CTNNA3: variants seen among roughly 807,000 people sequenced by gnomAD.
CTNNA3 encodes the protein catenin alpha 3.
Under a neutral mutation model 95.7 loss-of-function variants are expected in CTNNA3, and 76 were observed. The ratio of observed to expected loss-of-function variants is 0.79; its 90% CI spans 0.66 to 0.96. The LOEUF is 0.96. CTNNA3 is among the 40% of genes least tolerant of loss of function. The pLI is 0.00. For missense variants in CTNNA3, 1,191 were observed against 1,089.8 expected, an observed-to-expected ratio of 1.09 and a Z score of -1.31; for synonymous variants, 431 against 374.4, an observed-to-expected ratio of 1.15 and a Z score of -1.74.
At chr10:67,754,784 G>A (rs915621728) in intron 1 of CTNNA3, among the ~76,000 whole-genome samples, 5 of 152,142 alleles carry the variant, frequency 3.3e-5, no homozygotes, top group African/African-American at 4.8e-5. Flanking sequence ...TGCAAACTAC[G>A]TATCTGACAA....
intron 12 of CTNNA3, among the ~76,000 whole-genome samples, chr10:66,335,967 G>A (rs2132337549): frequency 6.6e-6 from 1 of 152,230 alleles, no homozygotes; most frequent in African/African-American, 2.4e-5. Context: ...CTGCCTTGCA[G>A]TTTGATCTCA....
intron 5 of CTNNA3, among the ~76,000 whole-genome samples, chr10:67,487,056 G>A (rs1354455284): frequency 6.6e-6 from 1 of 152,116 alleles, no homozygotes; most frequent in Non-Finnish European, 1.5e-5. Flanking sequence ...CCCCATCAGT[G>A]TCCCAGGCAA....
chr10:65,920,954 T>C (rs1054125518), intron 17 of CTNNA3, among the ~76,000 whole-genome samples: 19 of 152,366 alleles, frequency 1.2e-4, no homozygotes, highest in African/African-American at 4.6e-4. Context: ...TGTATCTAGA[T>C]GGATAAGTGA....
At chr10:66,345,650 C>G (rs1422886562) in intron 12 of CTNNA3, among the ~76,000 whole-genome samples, 2 of 152,068 alleles carry the variant, frequency 1.3e-5, no homozygotes, top group African/African-American at 4.8e-5. Context: ...TGTTATTTCA[C>G]TTGGGTAAGT....
chr10:66,938,453 A>T (rs1737084829), intron 7 of CTNNA3, among the ~76,000 whole-genome samples: 1 of 152,200 alleles, frequency 6.6e-6, no homozygotes, highest in African/African-American at 2.4e-5. Context: ...TGAAAATATT[A>T]TTAAGAAAAT....
intron 5 of CTNNA3, among the ~76,000 whole-genome samples, chr10:67,404,286 A>C (rs2132816760): frequency 6.6e-6 from 1 of 152,224 alleles, no homozygotes; most frequent in East Asian, 1.9e-4. Context: ...TTTGCAACTC[A>C]ATGCAAGGAA....
intron 5 of CTNNA3, among the ~76,000 whole-genome samples, chr10:67,244,294 G>C (rs1484893009): frequency 6.6e-6 from 1 of 152,124 alleles, no homozygotes; most frequent in African/African-American, 2.4e-5. Flanking sequence ...TTGACTCTCA[G>C]GATGTTCTAA....
intron 5 of CTNNA3, among the ~76,000 whole-genome samples, chr10:67,461,390 C>A (rs565568521): frequency 6.6e-6 from 1 of 152,148 alleles, no homozygotes; most frequent in Non-Finnish European, 1.5e-5. Flanking sequence ...AGCAATGTGC[C>A]CCAAAATCCC....
At chr10:66,886,559 A>G (rs1845052831) in intron 7 of CTNNA3, among the ~76,000 whole-genome samples, 1 of 152,134 alleles carries the variant, frequency 6.6e-6, no homozygotes, top group Non-Finnish European at 1.5e-5. Flanking sequence ...ATCTGCTCAT[A>G]GATTTTCCAT....
intron 12 of CTNNA3, among the ~76,000 whole-genome samples, chr10:66,303,794 C>T (rs1367148420): frequency 6.6e-6 from 1 of 152,024 alleles, no homozygotes; most frequent in Non-Finnish European, 1.5e-5. Flanking sequence ...AGGGTTTCAC[C>T]GTGTTAGCCA....
intron 17 of CTNNA3, among the ~76,000 whole-genome samples, chr10:65,936,780 C>T (rs1011307421): frequency 6.6e-6 from 1 of 151,926 alleles, no homozygotes; most frequent in African/African-American, 2.4e-5. Flanking sequence ...TTTTCTGGGC[C>T]TCAGTTTTCC....
chr10:66,646,258 C>T (rs1845704123), intron 9 of CTNNA3, among the ~76,000 whole-genome samples: 1 of 152,014 alleles, frequency 6.6e-6, no homozygotes, highest in Non-Finnish European at 1.5e-5. Context: ...AATAGAATAT[C>T]CACTTGAACC....
chr10:67,671,099 A>G (rs1840423476), intron 1 of CTNNA3, among the ~76,000 whole-genome samples: 1 of 152,088 alleles, frequency 6.6e-6, no homozygotes, highest in African/African-American at 2.4e-5. Context: ...TCTGCTATGG[A>G]GGCAGGACAT....
At position 67,034,051 on chromosome 10, in the gene CTNNA3, C is replaced by T. The variant is rs562999241; in HGVS notation, c.1047+146266G>A. On this transcript the variant is annotated intron_variant, in intron 7 of 17. Transcript: ENST00000433211. The stretch of plus-strand genomic sequence containing the variant: ...CCTTCCAACGTGCTGAGACTACAGG[C>T]GTGAGCCACCGCGCCCGGCCTATAC... Among the ~76,000 whole-genome samples, 15 of 152,292 alleles carry T rather than the reference C, an allele frequency of 9.8e-5. No homozygotes were observed. In the South Asian group the frequency reaches 1.4e-3, roughly 15 times the overall value.
chr10:66,006,235 G>A (rs373175594), intron 15 of CTNNA3, among the ~76,000 whole-genome samples: 171 of 151,768 alleles, frequency 1.1e-3, no homozygotes, highest in African/African-American at 3.6e-3. Context: ...GGATAGTCTC[G>A]ATCTCCTGAC....
intron 13 of CTNNA3, among the ~76,000 whole-genome samples, chr10:66,239,407 C>T (rs1325382729): frequency 6.6e-6 from 1 of 151,842 alleles, no homozygotes; most frequent in African/African-American, 2.4e-5. Context: ...GGGTATATTA[C>T]CCTTAAAATC....
intron 7 of CTNNA3, among the ~76,000 whole-genome samples, chr10:66,921,074 A>C (rs1846761108): frequency 6.6e-6 from 1 of 152,104 alleles, no homozygotes; most frequent in African/African-American, 2.4e-5. Flanking sequence ...TTTATTTCTC[A>C]CAGTTCTAAT....
chr10:66,594,647 AATGTCACCATCTGT>A (rs1211265292), intron 10 of CTNNA3, among the ~76,000 whole-genome samples: 11 of 152,170 alleles, frequency 7.2e-5, no homozygotes, highest in Admixed American at 1.3e-4. Flanking sequence ...TGTCAATTCA[AATGTCACCATCTGT>A]AGCAAGGCAT....
chr10:66,038,082 G>A (rs2079604032), intron 15 of CTNNA3, among the ~76,000 whole-genome samples: 1 of 152,130 alleles, frequency 6.6e-6, no homozygotes, highest in South Asian at 2.1e-4. Context: ...AGGAATACAA[G>A]ACAAATGTGC....
Sources: gnomAD v4.1 joint callset for allele counts (sites outside exome capture counted in the v4.1 genomes callset) on GRCh38, gnomAD v4.1.1 for gene constraint, MANE v1.5 for transcripts, NCBI Gene and HGNC (gene_info 2026-07-23, HGNC 2026-07-21) for gene names.